The following TBXAS1 variants were observed in gnomAD, a reference collection of about 807,000 sequenced individuals.
TBXAS1 encodes the protein thromboxane A synthase 1.
A neutral mutation model predicts 60.7 loss-of-function variants in TBXAS1; 48 were observed. That is an observed-to-expected ratio of 0.79 (90% CI 0.63 to 1.01). The LOEUF (loss-of-function observed/expected upper bound fraction) is 1.01, where lower values mean the gene tolerates loss of function less well. TBXAS1 is among the 50% of genes least tolerant of loss of function. The probability of loss-of-function intolerance (pLI) is 0.00; values close to 1 mark genes in which losing one functional copy is unlikely to be tolerated. For missense variants in TBXAS1, 685 were observed against 686.3 expected (o/e 1.00, Z 0.02); for synonymous variants, 287 against 269.7 (o/e 1.06, Z -0.63).
At chr7:139,814,147 G>A (rs1006200510) in intron 4 of TBXAS1, among the ~76,000 whole-genome samples, 4 of 152,194 alleles carry the variant, frequency 2.6e-5, no homozygotes, top group African/African-American at 7.2e-5. Flanking sequence ...GAGCCACATT[G>A]CTATGTAGTG....
chr7:139,960,583 T>G (rs528880894), intron 8 of TBXAS1, among the ~76,000 whole-genome samples: 1 of 152,042 alleles, frequency 6.6e-6, no homozygotes. Flanking sequence ...CCGCCTCTAC[T>G]AAAGATACAA....
intron 4 of TBXAS1, among the ~76,000 whole-genome samples, chr7:139,811,910 A>G (rs1188834985): frequency 6.6e-6 from 1 of 152,166 alleles, no homozygotes; most frequent in Admixed American, 6.5e-5. Context: ...TACCCTTTCG[A>G]GCAATTGCAT....
chr7:140,002,035 G>A (rs772111592), intron 9 of TBXAS1, among the ~76,000 whole-genome samples: 5 of 152,206 alleles, frequency 3.3e-5, no homozygotes, highest in Non-Finnish European at 7.3e-5. Flanking sequence ...GCTAGGACAT[G>A]TCCGTGCATT....
At chr7:139,982,646 G>A (rs1026513536) in intron 9 of TBXAS1, among the ~76,000 whole-genome samples, 14 of 152,194 alleles carry the variant, frequency 9.2e-5, no homozygotes, top group African/African-American at 2.9e-4. Flanking sequence ...CAATCTGCTC[G>A]ACATCCTGTT....
chr7:139,929,231 C>T (rs968797949), intron 4 of TBXAS1, among the ~76,000 whole-genome samples: 15 of 152,122 alleles, frequency 9.9e-5, no homozygotes, highest in African/African-American at 2.4e-5. Context: ...TAGAAGGGTG[C>T]GCCCTTACAG....
intron 11 of TBXAS1, 73 bp downstream of exon 11, chr7:140,015,933 G>A: frequency 6.2e-7 from 1 of 1,603,772 alleles, no homozygotes; most frequent in South Asian, 1.1e-5. Context: ...AGTGGAGGCA[G>A]CAGCCGGGAG....
intron 3 of TBXAS1, among the ~76,000 whole-genome samples, chr7:139,909,305 G>A (rs1460578404): frequency 1.3e-5 from 2 of 152,134 alleles, no homozygotes; most frequent in East Asian, 1.9e-4. Context: ...GCTCTGGAGG[G>A]GGGTTGAGAG....
chr7:139,789,745 C>G (rs953876698), intron 4 of TBXAS1: 2 of 151,994 alleles, frequency 1.3e-5, no homozygotes, highest in African/African-American at 2.4e-5. Flanking sequence ...ATTCTCCTGC[C>G]TCAGCCTCCC....
intron 9 of TBXAS1, among the ~76,000 whole-genome samples, chr7:139,997,138 T>C (rs1383183288): frequency 6.6e-6 from 1 of 152,224 alleles, no homozygotes; most frequent in Non-Finnish European, 1.5e-5. Context: ...GTAAGTTCTA[T>C]ATGGCACAGA....
chr7:139,840,152 C>T (rs1799341133), intron 1 of TBXAS1, among the ~76,000 whole-genome samples: 1 of 152,088 alleles, frequency 6.6e-6, no homozygotes, highest in South Asian at 2.1e-4. Context: ...AGTTCCTTTC[C>T]CAGAGAGTTT....
At chr7:139,871,901 A>G (rs538585633) in intron 1 of TBXAS1, among the ~76,000 whole-genome samples, 2 of 152,332 alleles carry the variant, frequency 1.3e-5, no homozygotes, top group East Asian at 3.9e-4. Flanking sequence ...GGCAAAGGAA[A>G]GGAATTGGAG....
chr7:139,989,997 A>G (rs1585017401), intron 9 of TBXAS1, among the ~76,000 whole-genome samples: 1 of 152,162 alleles, frequency 6.6e-6, no homozygotes, highest in Non-Finnish European at 1.5e-5. Context: ...GCAAAACACC[A>G]CAGGCCTGCC....
chr7:140,010,670 G>A (rs1814538030), intron 10 of TBXAS1, among the ~76,000 whole-genome samples: 1 of 152,158 alleles, frequency 6.6e-6, no homozygotes. Flanking sequence ...TCAGCTCCAA[G>A]CACATATAAT....
rs77059801 is a variant in TBXAS1, at chr7:139,842,919, C to T, written c.89+13440C>T. ...CGAAGATATCTAGAAAAAACTGTGT[C>T]AGAGATGATCTGAAAGCAAAGCCAA... On this transcript the variant is annotated intron_variant, in intron 1 of 12. Coordinates refer to ENST00000448866, the MANE Select transcript of TBXAS1 (RefSeq NM_001061.7). Among the ~76,000 whole-genome samples the T allele has an allele frequency of 4.8e-3, 732 of 152,306 alleles. 5 individuals are homozygous for T. Among genetic ancestry groups the T allele is most frequent in the African/African-American group, 0.016 (671 of 41,564 alleles).
chr7:139,831,671 C>T (rs1031160412), intron 1 of TBXAS1, among the ~76,000 whole-genome samples: 4 of 152,206 alleles, frequency 2.6e-5, no homozygotes, highest in Non-Finnish European at 5.9e-5. Flanking sequence ...GTGGCTCATG[C>T]CTATAATCCC....
intron 1 of TBXAS1, among the ~76,000 whole-genome samples, chr7:139,779,062 T>C (rs551542664): frequency 1.1e-4 from 16 of 152,198 alleles, no homozygotes; most frequent in Non-Finnish European, 2.2e-4. Context: ...TTCATAAACC[T>C]TTTGTTTCGA....
intron 9 of TBXAS1, among the ~76,000 whole-genome samples, chr7:139,992,502 C>T (rs939481140): frequency 4.6e-5 from 7 of 152,214 alleles, no homozygotes; most frequent in Admixed American, 2.0e-4. Context: ...TTTGTTTTGC[C>T]ACTGTAGAGG....
intron 4 of TBXAS1, chr7:139,913,244 G>T: frequency 1.5e-6 from 1 of 665,498 alleles, no homozygotes; most frequent in Non-Finnish European, 2.8e-6. Context: ...CTATCTCCTC[G>T]CTCAAAGTCC....
intron 4 of TBXAS1, among the ~76,000 whole-genome samples, chr7:139,821,654 T>C (rs1189460256): frequency 6.6e-6 from 1 of 152,208 alleles, no homozygotes; most frequent in Non-Finnish European, 1.5e-5. Flanking sequence ...CAGGAGATGT[T>C]TCCTCTTCCC....
Sources: gnomAD v4.1 joint callset for allele counts (sites outside exome capture counted in the v4.1 genomes callset) on GRCh38, gnomAD v4.1.1 for gene constraint, MANE v1.5 for transcripts, NCBI Gene and HGNC (gene_info 2026-07-23, HGNC 2026-07-21) for gene names.